Variants in CCDC180 observed in about 807,000 individuals in gnomAD.
CCDC180 encodes the protein coiled-coil domain-containing protein 180.
A neutral mutation model predicts 209.2 loss-of-function variants in CCDC180; 154 were observed. The ratio of observed to expected loss-of-function variants is 0.74; its 90% CI spans 0.65 to 0.84. The LOEUF is 0.84. Among genes scored for constraint, CCDC180 ranks in the 40% least tolerant of loss-of-function variants. The pLI is 0.00. For synonymous variants in CCDC180, 778 were observed against 749.1 expected (o/e 1.04, Z -0.63); for missense variants, 1,874 against 1,997.3 (o/e 0.94, Z 1.18).
At chr9:97,347,711 T>G (rs1826306212) in intron 20 of CCDC180, 1 of 521,000 alleles carries the variant, frequency 1.9e-6, no homozygotes, top group South Asian at 2.8e-5. Flanking sequence ...TCATTTCCAT[T>G]TTTTTTTCAA....
At chr9:97,312,043 C>T in intron 3 of CCDC180, 70 bp from the exon 4 acceptor site, 1 of 1,345,702 alleles carries the variant, frequency 7.4e-7, no homozygotes, top group Middle Eastern at 1.8e-4. Context: ...CCCTTGGTGC[C>T]CTTATGTGCC....
rs2118688833 is a variant in CCDC180 at position 97,330,697 on chromosome 9, A to AGGAGGC, written c.2208_2209insGCGGAG (p.Glu736_Lys737insAlaGlu). 6.2e-7 allele frequency: 1 copy of AGGAGGC among 1,609,400 alleles called. No individual in the cohort carries two copies. Among genetic ancestry groups the AGGAGGC allele is most frequent in the Non-Finnish European group, 8.5e-7 (1 of 1,179,370 alleles). ...GATGAGAAGGAGGAAGAGGAGGAGG[A>AGGAGGC]GGAGAAGCTGGAGGAAGAGAAGGAG... On this transcript the variant is annotated inframe_insertion, in exon 18 of 37. Transcript: ENST00000529487.
chr9:97,371,544 T>TGGAGG, intron 33 of CCDC180, 51 bp from the exon 34 acceptor site: 1 of 1,238,108 alleles, frequency 8.1e-7, no homozygotes, highest in Non-Finnish European at 1.2e-6. Flanking sequence ...CAGCTGGCCT[T>TGGAGG]GGAGGGATGA....
chr9:97,354,032 C>CT (rs1826496464), intron 22 of CCDC180, among the ~76,000 whole-genome samples: 1 of 138,592 alleles, frequency 7.2e-6, no homozygotes, highest in Non-Finnish European at 1.5e-5. Context: ...GAATCTTACT[C>CT]TGTCAGCCAG....
rs1587775027 is a variant in CCDC180 at position 97,309,508 on chromosome 9, T to G, written c.164T>G (p.Val55Gly). 1 of 1,606,666 alleles carries G rather than the reference T, an allele frequency of 6.2e-7. No individual in the cohort carries two copies. The highest frequency in any genetic ancestry group is 8.5e-7 in the Non-Finnish European group (1 of 1,176,784). ...GGCAGGATACCCATGATGAAGAAGG[T>G]GGAGACTCCTGAAGGGGAGGTGATG... The part of the protein sequence containing the change: ...KSGRIPMMKK[V>G]ETPEGEVMSP... The change falls in exon 3 of 37, where the codon GTG becomes GGG. Residue 55 changes from valine to glycine, a missense_variant. Coordinates refer to ENST00000529487, the MANE Select transcript of CCDC180 (RefSeq NM_020893.6).
chr9:97,321,471 G>T (rs1239586565), intron 11 of CCDC180, among the ~76,000 whole-genome samples: 1 of 152,220 alleles, frequency 6.6e-6, no homozygotes, highest in Non-Finnish European at 1.5e-5. Context: ...AGCCAATGAA[G>T]TGTCACAGCT....
rs116652930 is a variant in CCDC180, at chr9:97,360,292, C to A, written c.3483+191C>A. Among the ~76,000 whole-genome samples the A allele has an allele frequency of 8.4e-3, 1,278 of 152,198 alleles. 17 individuals are homozygous for A. Among genetic ancestry groups the A allele is most frequent in the African/African-American group, 0.029 (1,194 of 41,528 alleles). On this transcript the variant is annotated intron_variant, in intron 26 of 36. Transcript: ENST00000529487. ...GAGCTGGATTCTAATCCCCAGGGGG[C>A]CACTTCCTTGCATTGGTCTCAGAGG...
chr9:97,368,053 A>T (rs1826975504), intron 31 of CCDC180, among the ~76,000 whole-genome samples: 1 of 152,188 alleles, frequency 6.6e-6, no homozygotes, highest in South Asian at 2.1e-4. Context: ...GGAAAATGCT[A>T]CAGACTGCAC....
At chr9:97,334,050 A>T (rs550617269) in intron 18 of CCDC180, among the ~76,000 whole-genome samples, 187 of 152,118 alleles carry the variant, frequency 1.2e-3, no homozygotes, top group Non-Finnish European at 1.8e-3. Context: ...ATAATAACCC[A>T]TATATGTTTA....
At position 97,371,600 on chromosome 9, in the gene CCDC180, T is replaced by C. The variant is rs1827102165; in HGVS notation, c.4494T>C (p.Cys1498=). 3 of 1,601,058 alleles carry C rather than the reference T, an allele frequency of 1.9e-6. No homozygotes were observed. The highest frequency in any genetic ancestry group is 2.6e-6 in the Non-Finnish European group (3 of 1,169,342). ...GCTCACCATGTTTTTTCCAGGAATG[T>C]ACCAGAAGGAATGGCCAGGTTTTCA... The part of the protein sequence containing the change: ...IRMNKEKLEE[C]TRRNGQVFIT... Residue 1498 remains cysteine, a synonymous_variant, in exon 34 of 37, where the codon TGT becomes TGC. Transcript: ENST00000529487.
intron 4 of CCDC180, among the ~76,000 whole-genome samples, chr9:97,312,586 G>A (rs531883301): frequency 2.0e-5 from 3 of 152,026 alleles, no homozygotes; most frequent in South Asian, 4.2e-4. Context: ...AGTAATACAC[G>A]CTCACTGAAG....
At chr9:97,319,910 C>A (rs1416905407) in intron 10 of CCDC180, among the ~76,000 whole-genome samples, 1 of 152,068 alleles carries the variant, frequency 6.6e-6, no homozygotes, top group Non-Finnish European at 1.5e-5. Flanking sequence ...ATGTTCTTTT[C>A]TTATCTAAGT....
At chr9:97,362,490 C>A (rs1395540038) in intron 28 of CCDC180, 49 bp downstream of exon 28, 1 of 1,589,520 alleles carries the variant, frequency 6.3e-7, no homozygotes, top group African/African-American at 1.3e-5. Flanking sequence ...CATCCCCCCA[C>A]ACAAAGGCAG....
chr9:97,309,656 TC>T (rs1408332131), intron 3 of CCDC180, 52 bp downstream of exon 3: 2 of 1,404,618 alleles, frequency 1.4e-6, no homozygotes, highest in Admixed American at 2.9e-5. Flanking sequence ...ACCTGAGCCT[TC>T]AAAAACTCAA....
rs542292377 is a variant in CCDC180, at chr9:97,375,881, A to G, written c.4842+292A>G. 8 of 390,264 alleles carry G rather than the reference A, an allele frequency of 2.0e-5. No homozygotes were observed. The South Asian group carries it at 3.0e-4, about 15-fold the overall frequency. 24.2% of individuals were successfully genotyped at this position (390,264 alleles called of 1,614,324 possible). ...CCAAAGGCACAGTAGTGTCACAGCT[A>G]GGGAACATTGTCACCAGGCACGGAA... On this transcript the variant is annotated intron_variant, in intron 36 of 36. Coordinates refer to ENST00000529487, the MANE Select transcript of CCDC180 (RefSeq NM_020893.6).
At position 97,371,707 on chromosome 9, in the gene CCDC180, G is replaced by A. The variant is rs1222416596; in HGVS notation, c.4600+1G>A. ...ACCATTGACGATGTCCAGGTTGCAA[G>A]TAAGAGGCACCACCAGCCTTGTGTC... On this transcript the variant is annotated splice_donor_variant, in intron 34 of 36. Transcript: ENST00000529487. LOFTEE classifies it high-confidence loss of function. 2 of 1,582,278 alleles carry A rather than the reference G, an allele frequency of 1.3e-6. No individual in the cohort carries two copies. Among genetic ancestry groups the A allele is most frequent in the Non-Finnish European group, 1.7e-6 (2 of 1,154,184 alleles).
chr9:97,350,376 A>C (rs1564167320), intron 21 of CCDC180, 33 bp from the exon 22 acceptor site: 11 of 1,530,946 alleles, frequency 7.2e-6, no homozygotes, highest in Non-Finnish European at 7.9e-6. Context: ...GTTGTCCCCC[A>C]TCACTGTCCT....
rs1447052514 is a variant in CCDC180, at chr9:97,307,782, T to C, written c.-106T>C. ...TGCGCGGCGGGGAGAACCGGCCTCC[T>C]GCTCGAGTTCAGAGCTCATCTGAGG... is the stretch of plus-strand genomic sequence containing the variant. On this transcript the variant is annotated 5_prime_UTR_variant, in exon 1 of 37. Coordinates refer to ENST00000529487, the MANE Select transcript of CCDC180 (RefSeq NM_020893.6). 6.2e-7 allele frequency: 1 copy of C among 1,614,138 alleles called. No individual in the cohort carries two copies. Among genetic ancestry groups the C allele is most frequent in the African/African-American group, 1.3e-5 (1 of 74,954 alleles).
At chr9:97,342,753 G>GT (rs1407982573) in intron 18 of CCDC180, among the ~76,000 whole-genome samples, 1 of 152,172 alleles carries the variant, frequency 6.6e-6, no homozygotes, top group Non-Finnish European at 1.5e-5. Context: ...ACCTTGGTCT[G>GT]TTTATTTCTT....
Sources: allele counts gnomAD v4.1 joint callset (sites outside exome capture counted in the v4.1 genomes callset), GRCh38; gene constraint gnomAD v4.1.1; transcripts MANE v1.5; gene names NCBI Gene and HGNC (gene_info 2026-07-23, HGNC 2026-07-21).